The following VPS13B variants were observed in gnomAD, a reference collection of about 807,000 sequenced individuals.
The protein encoded by VPS13B is vacuolar protein sorting 13 homolog B.
VPS13B carries 285 observed loss-of-function variants against 426.4 expected under a neutral mutation model. The observed-to-expected ratio is 0.67, with a 90% CI of 0.61 to 0.74. VPS13B has a LOEUF of 0.74. VPS13B is among the 30% of genes least tolerant of loss of function. The pLI is 0.00. For synonymous variants in VPS13B, 1,676 were observed against 1,676.4 expected, an observed-to-expected ratio of 1.00 and a Z score of 0.01; for missense variants, 4,537 against 4,782.6, an observed-to-expected ratio of 0.95 and a Z score of 1.51.
At chr8:99,669,046 T>C (rs947348824) in intron 35 of VPS13B, among the ~76,000 whole-genome samples, 2 of 152,048 alleles carry the variant, frequency 1.3e-5, no homozygotes, top group Non-Finnish European at 2.9e-5. Flanking sequence ...CCCTCCATAA[T>C]TGAAAGCAGG....
chr8:99,280,613 C>T (rs767552648), intron 19 of VPS13B, among the ~76,000 whole-genome samples: 7 of 151,780 alleles, frequency 4.6e-5, no homozygotes, highest in East Asian at 1.9e-4. Context: ...ACATGTTAGC[C>T]GCCTTTTCTT....
intron 21 of VPS13B, 44 bp from the exon 22 acceptor site, chr8:99,431,493 G>T (rs745654079): frequency 1.2e-6 from 2 of 1,608,588 alleles, no homozygotes; most frequent in Non-Finnish European, 8.5e-7. Flanking sequence ...CTGTGAAATT[G>T]TAAGTTATGT....
intron 2 of VPS13B, 141 bp from the exon 3 acceptor site, chr8:99,038,282 A>T (rs1171644747): frequency 8.5e-6 from 5 of 584,936 alleles, no homozygotes; most frequent in Non-Finnish European, 1.4e-5. Context: ...TGTATATTAG[A>T]ATGAAAAATA....
chr8:99,165,299 T>C lies in VPS13B; in HGVS notation c.2209-4740T>C, dbSNP rs1234421100. Among the ~76,000 whole-genome samples, 4 of 152,310 alleles carry C rather than the reference T, an allele frequency of 2.6e-5. No homozygotes were observed. The South Asian group carries it at 6.2e-4, about 24-fold the overall frequency. On this transcript the variant is annotated intron_variant, in intron 15 of 61. Coordinates refer to ENST00000357162, the MANE Select transcript of VPS13B (RefSeq NM_152564.5). ...ATTTATTTCTCCTATCTAATTGAAA[T>C]TTTGTATGCTTTGCCTAACATCTCT...
At chr8:99,451,069 C>A (rs1336989600) in intron 23 of VPS13B, among the ~76,000 whole-genome samples, 1 of 151,948 alleles carries the variant, frequency 6.6e-6, no homozygotes, top group East Asian at 1.9e-4. Flanking sequence ...ATAAATGAGA[C>A]CTCTTTATTT....
chr8:99,778,542 T>C lies in VPS13B; in HGVS notation c.7430-140T>C. On this transcript the variant is annotated intron_variant, in intron 41 of 61. Transcript: ENST00000357162. ...AATCCAAAGATTATAATATCTTCAATAAATAATTTGAATTTATTAAACACC... is the reference window on the plus strand; with the variant it reads ...AATCCAAAGATTATAATATCTTCAACAAATAATTTGAATTTATTAAACACC... 6.3e-6 allele frequency: 5 copies of C among 791,328 alleles called. No individual in the cohort carries two copies. In the Admixed American group the frequency reaches 6.4e-5, roughly 10 times the overall value. 49.0% of individuals were successfully genotyped at this position (791,328 alleles called of 1,614,324 possible).
At chr8:99,643,330 G>C (rs1829447478) in intron 34 of VPS13B, among the ~76,000 whole-genome samples, 1 of 152,176 alleles carries the variant, frequency 6.6e-6, no homozygotes. Context: ...CTTTCAGCTG[G>C]TCCCATCCAG....
In VPS13B at chr8:99,721,519, C is replaced by A. The variant is rs577947333; in HGVS notation, c.7050+472C>A. 2.0e-5 allele frequency among the ~76,000 whole-genome samples: 3 copies of A among 152,264 alleles called. No individual in the cohort carries two copies. The East Asian group carries it at 5.8e-4, about 29-fold the overall frequency. On this transcript the variant is annotated intron_variant, in intron 39 of 61. Transcript: ENST00000357162. Reference sequence around the variant, plus strand: ...TTTTCTATTAAAGAAAAGGTCTAACCTGTGATCATATTCCCTAAGGTTTTG... The same window carrying A: ...TTTTCTATTAAAGAAAAGGTCTAACATGTGATCATATTCCCTAAGGTTTTG...
chr8:99,684,884 A>G (rs1263748910), intron 35 of VPS13B, among the ~76,000 whole-genome samples: 5 of 152,154 alleles, frequency 3.3e-5, no homozygotes, highest in African/African-American at 7.2e-5. Context: ...GCTTACTGCA[A>G]CCTTCACCTC....
At chr8:99,134,838 T>A in intron 9 of VPS13B, 111 bp downstream of exon 9, 1 of 1,193,088 alleles carries the variant, frequency 8.4e-7, no homozygotes. Context: ...AAGATGTTTG[T>A]TTCTTATTTT....
At chr8:99,353,074 T>C (rs1811981423) in intron 19 of VPS13B, among the ~76,000 whole-genome samples, 1 of 151,900 alleles carries the variant, frequency 6.6e-6, no homozygotes, top group African/African-American at 2.4e-5. Flanking sequence ...CTCCGCCTCC[T>C]AGATTCAAGC....
chr8:99,817,818 T>C lies in VPS13B; in HGVS notation c.8361+15T>C. Reference sequence around the variant, plus strand: ...TTGTCATTCAGGTTTGAAAAGACGTTCAATCTAGAATAGAGCAGCTTTACC... The same window carrying C: ...TTGTCATTCAGGTTTGAAAAGACGTCCAATCTAGAATAGAGCAGCTTTACC... On this transcript the variant is annotated intron_variant, in intron 45 of 61. Transcript: ENST00000357162. 6.2e-7 allele frequency: 1 copy of C among 1,614,008 alleles called. No homozygotes were observed. The highest frequency in any genetic ancestry group is 8.5e-7 in the Non-Finnish European group (1 of 1,179,956).
In VPS13B at chr8:99,271,234, TACTACTACTACTAC is replaced by T. The variant is rs1283478388; in HGVS notation, c.2516-2963_2516-2950del. Among the ~76,000 whole-genome samples the T allele has an allele frequency of 3.4e-5, 5 of 147,960 alleles. No individual in the cohort carries two copies. In the Admixed American group the frequency reaches 3.4e-4, roughly 10 times the overall value. ...CTACTACTACTACTACTACTACTAC[TACTACTACTACTAC>T]GATGATGATTGTATTAGCATTTTTG... On this transcript the variant is annotated intron_variant, in intron 17 of 61. Coordinates refer to ENST00000357162, the MANE Select transcript of VPS13B (RefSeq NM_152564.5).
Position 99,190,342 on chromosome 8 carries a change from CT to C in VPS13B, c.2334-2523del, listed in dbSNP as rs796382654. 2.2e-3 allele frequency among the ~76,000 whole-genome samples: 316 copies of C among 142,038 alleles called. 1 individual carries two copies. Among genetic ancestry groups the C allele is most frequent in the East Asian group, 5.7e-3 (28 of 4,876 alleles). The allele number at this position is 142,038 out of a possible 152,430, so 93.2% of individuals were successfully genotyped here. A position where few individuals can be genotyped will look rare whatever the true frequency, so the allele number is the denominator to read the frequency against. On this transcript the variant is annotated intron_variant, in intron 16 of 61. Coordinates refer to ENST00000357162, the MANE Select transcript of VPS13B (RefSeq NM_152564.5). ...TTATTTAAAGTGGATATATATGGGT[CT>C]TTTTTTTTTTAATATAATCGAAGAA...
intron 3 of VPS13B, among the ~76,000 whole-genome samples, chr8:99,060,473 G>T (rs1260709481): frequency 1.3e-5 from 2 of 151,976 alleles, no homozygotes; most frequent in Non-Finnish European, 2.9e-5. Context: ...GCCGGGTGTG[G>T]TGGCAGGCAC....
chr8:99,699,131 CTTTT>C (rs370004663), intron 35 of VPS13B, among the ~76,000 whole-genome samples: 4 of 90,550 alleles, frequency 4.4e-5, no homozygotes, highest in African/African-American at 1.6e-4. Flanking sequence ...TAAGGAAAGT[CTTTT>C]TTTTTTTTTT....
chr8:99,639,501 G>T (rs1483156532), intron 33 of VPS13B, among the ~76,000 whole-genome samples: 1 of 151,906 alleles, frequency 6.6e-6, no homozygotes, highest in Admixed American at 6.6e-5. Flanking sequence ...AATAGCTAAT[G>T]CTGGATTTCT....
chr8:99,496,004 A>G (rs920927891), intron 25 of VPS13B, among the ~76,000 whole-genome samples: 1 of 152,176 alleles, frequency 6.6e-6, no homozygotes, highest in Non-Finnish European at 1.5e-5. Flanking sequence ...AATTTATAAT[A>G]TTAGTGATGG....
At chr8:99,242,336 C>A (rs945734841) in intron 17 of VPS13B, among the ~76,000 whole-genome samples, 2 of 152,078 alleles carry the variant, frequency 1.3e-5, no homozygotes, top group Non-Finnish European at 2.9e-5. Context: ...GAATCATTTT[C>A]AAAAATATTG....
Sources: gnomAD v4.1 joint callset for allele counts (sites outside exome capture counted in the v4.1 genomes callset) on GRCh38, gnomAD v4.1.1 for gene constraint, MANE v1.5 for transcripts, NCBI Gene and HGNC (gene_info 2026-07-23, HGNC 2026-07-21) for gene names.